The following FAF1 variants were observed in gnomAD, a reference collection of about 807,000 sequenced individuals.
FAF1 encodes the protein FAS-associated factor 1.
In FAF1, 25 loss-of-function variants were observed where a neutral mutation model predicts 92.5. That is an observed-to-expected ratio of 0.27 (90% CI 0.20 to 0.38). The LOEUF (loss-of-function observed/expected upper bound fraction) is 0.38, where lower values mean the gene tolerates loss of function less well. FAF1 is among the 10% of genes least tolerant of loss of function. The pLI, the probability that FAF1 is intolerant of heterozygous loss-of-function variation, is 1.00. For missense variants in FAF1, 636 were observed against 793.3 expected (o/e 0.80, Z 2.38); for synonymous variants, 234 against 273.2 (o/e 0.86, Z 1.42).
intron 2 of FAF1, among the ~76,000 whole-genome samples, chr1:50,802,285 T>C (rs1662023796): frequency 6.6e-6 from 1 of 152,126 alleles, no homozygotes; most frequent in South Asian, 2.1e-4. Context: ...AGACAGGGTT[T>C]CTCCATGTTG....
intron 2 of FAF1, among the ~76,000 whole-genome samples, chr1:50,822,517 C>T (rs1349045472): frequency 1.3e-5 from 2 of 152,190 alleles, no homozygotes; most frequent in Non-Finnish European, 2.9e-5. Context: ...TTCTCCTTCA[C>T]AGGTCTTTGC....
intron 8 of FAF1, among the ~76,000 whole-genome samples, chr1:50,653,941 T>C (rs1569686177): frequency 6.6e-6 from 1 of 152,210 alleles, no homozygotes; most frequent in African/African-American, 2.4e-5. Context: ...GTGCTGGGAT[T>C]ACAGGTGTGA....
chr1:50,697,729 A>T (rs1383029166), intron 7 of FAF1, among the ~76,000 whole-genome samples: 2 of 152,192 alleles, frequency 1.3e-5, no homozygotes, highest in Non-Finnish European at 2.9e-5. Flanking sequence ...CAAAGCAAGG[A>T]ATACATTTTG....
rs369545258 is a variant in FAF1, at chr1:50,815,519, G to T, written c.115-13842C>A. ...TCGCTATGGTGAATACTGCTGTGAT[G>T]AACACATTTTGGTAGAAAGATGTAT... On this transcript the variant is annotated intron_variant, in intron 2 of 18. Transcript: ENST00000396153. Among the ~76,000 whole-genome samples the T allele has an allele frequency of 6.6e-5, 10 of 152,246 alleles. No individual in the cohort carries two copies. In the East Asian group the frequency reaches 1.5e-3, roughly 23 times the overall value.
chr1:50,705,121 TA>T (rs1569802549), intron 7 of FAF1, among the ~76,000 whole-genome samples: 1 of 152,208 alleles, frequency 6.6e-6, no homozygotes, highest in East Asian at 1.9e-4. Context: ...GTCATAGCCT[TA>T]AATGTTCCCC....
intron 2 of FAF1, among the ~76,000 whole-genome samples, chr1:50,847,735 A>T (rs1644313960): frequency 6.6e-6 from 1 of 152,190 alleles, no homozygotes; most frequent in Non-Finnish European, 1.5e-5. Flanking sequence ...TACACTAAAT[A>T]TCCCTGAATT....
chr1:50,643,660 T>TCAGCTCACAG (rs1654449580), intron 8 of FAF1, among the ~76,000 whole-genome samples: 2 of 152,220 alleles, frequency 1.3e-5, no homozygotes, highest in Admixed American at 1.3e-4. Flanking sequence ...TGGCACGATC[T>TCAGCTCACAG]CAGCTCACAG....
chr1:50,753,462 C>T (rs999008136), intron 4 of FAF1, among the ~76,000 whole-genome samples: 3 of 152,188 alleles, frequency 2.0e-5, no homozygotes, highest in Non-Finnish European at 2.9e-5. Context: ...ATAATGTACA[C>T]GTCTTTGGTG....
intron 8 of FAF1, among the ~76,000 whole-genome samples, chr1:50,613,458 C>A (rs1004883572): frequency 6.6e-6 from 1 of 152,164 alleles, no homozygotes; most frequent in Non-Finnish European, 1.5e-5. Context: ...ATTAGCTTTG[C>A]ATTCTAATGT....
chr1:50,683,636 T>C (rs928675744), intron 7 of FAF1, among the ~76,000 whole-genome samples: 3 of 152,028 alleles, frequency 2.0e-5, no homozygotes, highest in Admixed American at 6.6e-5. Flanking sequence ...ATATAGTAAT[T>C]TTTTAAATGT....
chr1:50,729,058 A>ATGTAT (rs1375923156), intron 6 of FAF1, among the ~76,000 whole-genome samples: 3 of 70,130 alleles, frequency 4.3e-5, no homozygotes, highest in African/African-American at 1.8e-4. Context: ...ATATATATAT[A>ATGTAT]TTTTTTTTTT....
At chr1:50,790,257 T>G (rs994687203) in intron 3 of FAF1, among the ~76,000 whole-genome samples, 2 of 152,258 alleles carry the variant, frequency 1.3e-5, no homozygotes, top group Admixed American at 1.3e-4. Flanking sequence ...TTCTCCTACC[T>G]CAGCCTCCTG....
At chr1:50,903,448 T>A (rs763447723) in intron 1 of FAF1, among the ~76,000 whole-genome samples, 1 of 152,198 alleles carries the variant, frequency 6.6e-6, no homozygotes, top group Non-Finnish European at 1.5e-5. Flanking sequence ...TGTCATCTTA[T>A]AACTATATCT....
Position 50,866,158 on chromosome 1 carries a change from G to A in FAF1, c.46-8161C>T, listed in dbSNP as rs376739579. Among the ~76,000 whole-genome samples the A allele has an allele frequency of 2.6e-5, 4 of 152,132 alleles. No homozygotes were observed. The East Asian group carries it at 7.7e-4, about 29-fold the overall frequency. On this transcript the variant is annotated intron_variant, in intron 1 of 18. Transcript: ENST00000396153. ...TTGACAAAATCCAGCATTTCTCTGT[G>A]ATTAAAACCCTCAGCAAAATCAGCA... is the stretch of plus-strand genomic sequence containing the variant.
intron 4 of FAF1, among the ~76,000 whole-genome samples, chr1:50,781,575 A>G (rs1419472700): frequency 6.6e-6 from 1 of 152,184 alleles, no homozygotes; most frequent in Non-Finnish European, 1.5e-5. Flanking sequence ...TCAACACCCC[A>G]TTTTCAATAA....
chr1:50,724,260 C>CAT lies in FAF1; in HGVS notation c.551+14601_551+14602dup, dbSNP rs1342409801. 5.7e-3 allele frequency among the ~76,000 whole-genome samples: 783 copies of CAT among 137,516 alleles called. 11 individuals carry two copies. The highest frequency in any genetic ancestry group is 0.021 in the African/African-American group (726 of 34,372). The allele number at this position is 137,516 out of a possible 152,430, so 90.2% of individuals were successfully genotyped here. On this transcript the variant is annotated intron_variant, in intron 6 of 18. Transcript: ENST00000396153. ...TTCAAAAAAAAAAAAAAAAAACAAC[C>CAT]ATATATATATACATATACACACACA... is the stretch of plus-strand genomic sequence containing the variant.
chr1:50,780,815 C>T, intron 4 of FAF1: 1 of 407,528 alleles, frequency 2.5e-6, no homozygotes, highest in South Asian at 1.9e-5. Context: ...GAGCAGCCAC[C>T]TTTGGGTTTA....
At chr1:50,648,768 A>G (rs1654711590) in intron 8 of FAF1, among the ~76,000 whole-genome samples, 1 of 152,166 alleles carries the variant, frequency 6.6e-6, no homozygotes, top group African/African-American at 2.4e-5. Context: ...CTCTACTAAA[A>G]ATATAAAATC....
At chr1:50,443,320 C>T (rs549387447) in intron 18 of FAF1, among the ~76,000 whole-genome samples, 49 of 152,266 alleles carry the variant, frequency 3.2e-4, no homozygotes, top group South Asian at 2.3e-3. Context: ...ATAAACCACA[C>T]CCAGTTTTCA....
Sources: allele counts gnomAD v4.1 joint callset (sites outside exome capture counted in the v4.1 genomes callset), GRCh38; gene constraint gnomAD v4.1.1; transcripts MANE v1.5; gene names NCBI Gene and HGNC (gene_info 2026-07-23, HGNC 2026-07-21).